Variants in SHC3 observed in about 807,000 individuals in gnomAD.
SHC3 encodes SHC-transforming protein 3.
In SHC3, 15 loss-of-function variants were observed where a neutral mutation model predicts 60.4. The ratio of observed to expected loss-of-function variants is 0.25; its 90% CI spans 0.17 to 0.38. The LOEUF is 0.38. Ranked by LOEUF, SHC3 falls within the 10% of genes least tolerant of loss-of-function variation. The pLI, the probability that SHC3 is intolerant of heterozygous loss-of-function variation, is 1.00. For missense variants in SHC3, 677 were observed against 786.1 expected, an observed-to-expected ratio of 0.86 and a Z score of 1.66; for synonymous variants, 294 against 325.9, an observed-to-expected ratio of 0.90 and a Z score of 1.05.
rs1227111803 is a variant in SHC3 at position 89,035,858 on chromosome 9, T to TATATA, written c.1656+2134_1656+2135insTATAT. ...ATATATATATATATATAGATGTGTGTGTGTGTGTGTGTGTGTGTGTGTGTG... is the reference window on the plus strand; with the variant it reads ...ATATATATATATATATAGATGTGTGTATATAGTGTGTGTGTGTGTGTGTGTGTGTG... On this transcript the variant is annotated intron_variant, in intron 11 of 11. Transcript: ENST00000375835. Among the ~76,000 whole-genome samples, 157 of 88,704 alleles carry TATATA rather than the reference T, an allele frequency of 1.8e-3. 1 individual carries two copies. The highest frequency in any genetic ancestry group is 5.4e-3 in the Middle Eastern group (1 of 184). The allele number at this position is 88,704 out of a possible 152,430, so 58.2% of individuals were successfully genotyped here.
chr9:89,150,293 T>C (rs1242284824), intron 1 of SHC3, among the ~76,000 whole-genome samples: 2 of 152,004 alleles, frequency 1.3e-5, no homozygotes, highest in Non-Finnish European at 2.9e-5. Flanking sequence ...TGTACAACCA[T>C]CACCATTTAA....
Position 89,178,118 on chromosome 9 carries a change from C to A in SHC3, c.343G>T (p.Ala115Ser). Residue 115 changes from alanine (A) to serine (S), a missense_variant, in exon 1 of 12, where the codon GCG becomes TCG. Transcript: ENST00000375835. This position sits in a 1 kb window ranked among gnomAD's most constrained non-coding sequence, Gnocchi z 6.9. ...GCGCTCATGGCCGGGGCGCGGGGCG[C>A]CGAGGGCGCACTGCCGTCCGGGGCG... is the stretch of plus-strand genomic sequence containing the variant. ...LAAPDGSAPS[A>S]PRAPAMSAAR... The A allele has an allele frequency of 8.6e-7, 1 of 1,159,924 alleles. No homozygotes were observed. Among genetic ancestry groups the A allele is most frequent in the Non-Finnish European group, 1.1e-6 (1 of 942,390 alleles). 71.9% of individuals were successfully genotyped at this position (1,159,924 alleles called of 1,614,324 possible). A position where few individuals can be genotyped will look rare whatever the true frequency, so the allele number is the denominator to read the frequency against.
chr9:89,030,140 A>T (rs780768923), intron 11 of SHC3, among the ~76,000 whole-genome samples: 7 of 152,166 alleles, frequency 4.6e-5, no homozygotes, highest in Non-Finnish European at 1.0e-4. Context: ...ATAAAGGGGG[A>T]CATTTCACAT....
intron 6 of SHC3, among the ~76,000 whole-genome samples, chr9:89,059,619 T>C (rs1266698598): frequency 3.1e-4 from 26 of 84,290 alleles, no homozygotes; most frequent in African/African-American, 1.3e-3. Context: ...TGCAGGGCGG[T>C]GGTGGAGGAC....
intron 2 of SHC3, among the ~76,000 whole-genome samples, chr9:89,088,417 T>C (rs1825566771): frequency 6.6e-6 from 1 of 152,202 alleles, no homozygotes; most frequent in Non-Finnish European, 1.5e-5. Flanking sequence ...CCAATGACCT[T>C]GAACACATAT....
chr9:89,056,487 T>C (rs1824953331), intron 6 of SHC3, among the ~76,000 whole-genome samples: 1 of 152,220 alleles, frequency 6.6e-6, no homozygotes, highest in African/African-American at 2.4e-5. Context: ...GATAAAGTGC[T>C]GGGATTACAG....
chr9:89,085,581 T>C (rs1825516001), intron 2 of SHC3, among the ~76,000 whole-genome samples: 1 of 152,154 alleles, frequency 6.6e-6, no homozygotes, highest in African/African-American at 2.4e-5. Context: ...ACAATAGAAT[T>C]CCGAATGTAG....
chr9:89,113,496 G>C (rs1372172829), intron 1 of SHC3, among the ~76,000 whole-genome samples: 1 of 151,762 alleles, frequency 6.6e-6, no homozygotes, highest in Non-Finnish European at 1.5e-5. Flanking sequence ...TCTCAAAAAA[G>C]AAAAAAAGAA....
intron 1 of SHC3, among the ~76,000 whole-genome samples, chr9:89,119,397 G>T (rs150202357): frequency 1.3e-3 from 205 of 151,870 alleles, no homozygotes; most frequent in African/African-American, 4.8e-3. Flanking sequence ...CCCTTCACAG[G>T]TTAAAAATAT....
chr9:89,031,518 C>A (rs1263002628), intron 11 of SHC3, among the ~76,000 whole-genome samples: 1 of 152,228 alleles, frequency 6.6e-6, no homozygotes, highest in African/African-American at 2.4e-5. Flanking sequence ...TAGCTTCTTT[C>A]ACTTAGCATA....
At chr9:89,120,281 A>T (rs1187646518) in intron 1 of SHC3, among the ~76,000 whole-genome samples, 2 of 152,234 alleles carry the variant, frequency 1.3e-5, no homozygotes, top group African/African-American at 4.8e-5. Context: ...GGTAGCATGA[A>T]AAGGCAAGTG....
At chr9:89,089,708 G>T (rs1825589957) in intron 2 of SHC3, among the ~76,000 whole-genome samples, 2 of 152,188 alleles carry the variant, frequency 1.3e-5, no homozygotes, top group South Asian at 4.1e-4. Flanking sequence ...GCTCTTCCAG[G>T]CTTCAGAGCC....
intron 1 of SHC3, among the ~76,000 whole-genome samples, chr9:89,148,170 T>A (rs1198583035): frequency 6.6e-6 from 1 of 152,228 alleles, no homozygotes; most frequent in Non-Finnish European, 1.5e-5. Context: ...TTGCAATTTG[T>A]AATGAACTTG....
intron 3 of SHC3, among the ~76,000 whole-genome samples, chr9:89,075,822 G>C (rs1825349659): frequency 6.6e-6 from 1 of 152,166 alleles, no homozygotes; most frequent in Non-Finnish European, 1.5e-5. Flanking sequence ...GATAGACATG[G>C]CCTGGCTGTA....
At chr9:89,028,748 A>T (rs940742071) in intron 11 of SHC3, among the ~76,000 whole-genome samples, 1 of 146,018 alleles carries the variant, frequency 6.8e-6, no homozygotes, top group African/African-American at 2.5e-5. Context: ...ATATAGATAT[A>T]TATTCTCTCT....
chr9:89,155,560 A>C (rs1202568061), intron 1 of SHC3, among the ~76,000 whole-genome samples: 2 of 152,156 alleles, frequency 1.3e-5, no homozygotes, highest in African/African-American at 4.8e-5. Context: ...ACCACCAGCC[A>C]ATATGCTAGA....
chr9:89,092,478 G>T (rs1341920919), intron 2 of SHC3, among the ~76,000 whole-genome samples: 1 of 151,870 alleles, frequency 6.6e-6, no homozygotes, highest in Non-Finnish European at 1.5e-5. Flanking sequence ...ATAGCCAGGC[G>T]TGGTGGCGGG....
intron 11 of SHC3, among the ~76,000 whole-genome samples, chr9:89,034,636 C>A (rs937136624): frequency 6.6e-6 from 1 of 152,244 alleles, no homozygotes; most frequent in East Asian, 1.9e-4. Context: ...CTCTCTCCAG[C>A]AAAAATCGTC....
intron 2 of SHC3, among the ~76,000 whole-genome samples, chr9:89,086,545 G>A (rs770473237): frequency 7.2e-5 from 11 of 152,224 alleles, no homozygotes; most frequent in Non-Finnish European, 1.3e-4. Flanking sequence ...ATGTTTAGCT[G>A]TCTAGCAGCT....
Sources: allele counts gnomAD v4.1 joint callset (sites outside exome capture counted in the v4.1 genomes callset), GRCh38; gene constraint gnomAD v4.1.1; non-coding constraint Gnocchi (gnomAD v3.1); transcripts MANE v1.5; gene names NCBI Gene and HGNC (gene_info 2026-07-23, HGNC 2026-07-21).